SYCE2: variants seen among roughly 807,000 people sequenced by gnomAD.
SYCE2 encodes synaptonemal complex central element protein 2.
In SYCE2, 3 loss-of-function variants were observed where a neutral mutation model predicts 27.9. The observed-to-expected ratio is 0.11, with a 90% CI of 0.05 to 0.28. The LOEUF is 0.28. Ranked by LOEUF, SYCE2 falls within the 10% of genes least tolerant of loss-of-function variation. SYCE2 has a pLI of 1.00. For missense variants in SYCE2, 207 were observed against 263.5 expected, an observed-to-expected ratio of 0.79 and a Z score of 1.48; for synonymous variants, 85 against 100.7, an observed-to-expected ratio of 0.84 and a Z score of 0.93.
intron 2 of SYCE2, among the ~76,000 whole-genome samples, chr19:12,905,394 C>G (rs1255272395): frequency 6.6e-6 from 1 of 151,864 alleles, no homozygotes; most frequent in African/African-American, 2.4e-5. Context: ...TGCAGTGGCG[C>G]GATCTCGGCT....
At chr19:12,914,937 C>G (rs564212969) in intron 2 of SYCE2, among the ~76,000 whole-genome samples, 63 of 152,364 alleles carry the variant, frequency 4.1e-4, no homozygotes, top group African/African-American at 1.4e-3. Flanking sequence ...TAACGGGAAC[C>G]TGAGCATGTC....
intron 2 of SYCE2, among the ~76,000 whole-genome samples, chr19:12,916,832 C>T (rs528487528): frequency 6.6e-6 from 1 of 152,052 alleles, no homozygotes; most frequent in South Asian, 2.1e-4. Context: ...CCAGGCTGGT[C>T]TCAAACTCCT....
intron 2 of SYCE2, among the ~76,000 whole-genome samples, chr19:12,905,033 C>T (rs1184712332): frequency 6.6e-6 from 1 of 151,502 alleles, no homozygotes; most frequent in Non-Finnish European, 1.5e-5. Context: ...ATGCTGAGAT[C>T]AGCACCAGAC....
intron 2 of SYCE2, among the ~76,000 whole-genome samples, chr19:12,910,952 C>T (rs796870119): frequency 5.3e-5 from 8 of 151,998 alleles, no homozygotes; most frequent in African/African-American, 1.9e-4. Context: ...GCTGGGATTA[C>T]AGGCGTGAGC....
At chr19:12,901,511 G>A (rs1970838428) in intron 3 of SYCE2, among the ~76,000 whole-genome samples, 1 of 152,026 alleles carries the variant, frequency 6.6e-6, no homozygotes, top group African/African-American at 2.4e-5. Flanking sequence ...CTGCACTCCA[G>A]CCTGAGAGAC....
chr19:12,900,162 A>C lies in SYCE2; in HGVS notation c.496-42T>G, dbSNP rs752198411. On this transcript the variant is annotated intron_variant, in intron 4 of 5. Coordinates refer to ENST00000293695, the MANE Select transcript of SYCE2 (RefSeq NM_001105578.2). ...CAGGTTAGCAGTGCCGGTCTGTGCC[A>C]GGGCTGTGGGCAGAGGGGATGATTT... The C allele has an allele frequency of 4.4e-6, 7 of 1,581,388 alleles. No individual in the cohort carries two copies. The Admixed American group carries it at 1.4e-4, about 31-fold the overall frequency.
chr19:12,904,372 C>T, intron 3 of SYCE2, 120 bp downstream of exon 3: 1 of 1,197,380 alleles, frequency 8.4e-7, no homozygotes, highest in East Asian at 2.4e-5. Flanking sequence ...AGTGGAGGAG[C>T]TCCTGTGCTG....
chr19:12,910,702 G>C (rs1971029421), intron 2 of SYCE2, among the ~76,000 whole-genome samples: 2 of 149,678 alleles, frequency 1.3e-5, no homozygotes, highest in Middle Eastern at 7.2e-3. Flanking sequence ...TTTTGAGATG[G>C]AGTCTCGCTC....
intron 2 of SYCE2, among the ~76,000 whole-genome samples, chr19:12,911,073 G>C (rs1388004539): frequency 6.6e-6 from 1 of 152,054 alleles, no homozygotes; most frequent in East Asian, 1.9e-4. Flanking sequence ...CCAGGCTCAA[G>C]TGATCCTCTC....
chr19:12,912,157 C>T lies in SYCE2; in HGVS notation c.131+6065G>A, dbSNP rs2003262. 2.0e-5 allele frequency among the ~76,000 whole-genome samples: 3 copies of T among 148,754 alleles called. 1 individual carries two copies. Among genetic ancestry groups the T allele is most frequent in the African/African-American group, 5.0e-5 (2 of 39,838 alleles). ...TTCACCATGTTAGCCAGGCTGGTCT[C>T]GAACTCCTGACCTCGTGATCTGCCC... is the stretch of plus-strand genomic sequence containing the variant. On this transcript the variant is annotated intron_variant, in intron 2 of 5. Coordinates refer to ENST00000293695, the MANE Select transcript of SYCE2 (RefSeq NM_001105578.2).
intron 4 of SYCE2, 44 bp from the exon 5 acceptor site, chr19:12,900,164 G>A (rs1428465226): frequency 1.3e-6 from 2 of 1,576,288 alleles, no homozygotes; most frequent in Non-Finnish European, 1.7e-6. Context: ...TCTGTGCCAG[G>A]GCTGTGGGCA....
chr19:12,901,278 A>T (rs935821628), intron 3 of SYCE2, among the ~76,000 whole-genome samples: 5 of 152,150 alleles, frequency 3.3e-5, no homozygotes. Context: ...CGGGAGGCTG[A>T]GACAGGAGAA....
At chr19:12,918,400 T>A in intron 1 of SYCE2, 63 bp from the exon 2 acceptor site, 1 of 1,481,828 alleles carries the variant, frequency 6.7e-7, no homozygotes. Context: ...ATCGCCCTCC[T>A]GCCGACCCTT....
chr19:12,904,442 C>T (rs768279999), intron 3 of SYCE2, 50 bp downstream of exon 3: 3 of 1,608,492 alleles, frequency 1.9e-6, no homozygotes, highest in South Asian at 2.2e-5. Context: ...GGTTCATTCC[C>T]TCCCCTTTTG....
intron 2 of SYCE2, among the ~76,000 whole-genome samples, chr19:12,916,087 C>T (rs1173047383): frequency 1.7e-4 from 25 of 144,532 alleles, no homozygotes; most frequent in African/African-American, 5.7e-4. Flanking sequence ...TTTTTTTCCT[C>T]GAGACAGGGT....
chr19:12,917,266 G>A (rs1971153725), intron 2 of SYCE2, among the ~76,000 whole-genome samples: 1 of 150,462 alleles, frequency 6.6e-6, no homozygotes, highest in South Asian at 2.1e-4. Context: ...ATATTGGCCA[G>A]GCTAGTCTCA....
At chr19:12,917,000 C>A (rs1056372353) in intron 2 of SYCE2, among the ~76,000 whole-genome samples, 1 of 151,972 alleles carries the variant, frequency 6.6e-6, no homozygotes, top group Non-Finnish European at 1.5e-5. Context: ...TCTGCCAGCG[C>A]CAGCCTCCCA....
chr19:12,912,215 C>T (rs928199039), intron 2 of SYCE2, among the ~76,000 whole-genome samples: 6 of 151,816 alleles, frequency 4.0e-5, no homozygotes, highest in South Asian at 2.1e-4. Context: ...GGATTACAGG[C>T]GTGAGCCACC....
intron 2 of SYCE2, among the ~76,000 whole-genome samples, chr19:12,907,593 T>C (rs544275824): frequency 9.8e-4 from 148 of 150,860 alleles, no homozygotes; most frequent in Non-Finnish European, 1.9e-3. Context: ...GAGTTCGAGA[T>C]CAGCCTGGCC....
Sources: allele counts gnomAD v4.1 joint callset (sites outside exome capture counted in the v4.1 genomes callset), GRCh38; gene constraint gnomAD v4.1.1; transcripts MANE v1.5; gene names NCBI Gene and HGNC (gene_info 2026-07-23, HGNC 2026-07-21).